TRPM3: variants seen among roughly 807,000 people sequenced by gnomAD.
TRPM3 encodes the protein transient receptor potential cation channel subfamily M member 3.
Under a neutral mutation model 181.2 loss-of-function variants are expected in TRPM3, and 77 were observed. That is an observed-to-expected ratio of 0.42 (90% CI 0.35 to 0.51). TRPM3 has a LOEUF of 0.51. Ranked by LOEUF, TRPM3 falls within the 20% of genes least tolerant of loss-of-function variation. The pLI, the probability that TRPM3 is intolerant of heterozygous loss-of-function variation, is 0.01. For synonymous variants in TRPM3, 745 were observed against 796.4 expected (o/e 0.94, Z 1.09); for missense variants, 1,759 against 2,196.7 (o/e 0.80, Z 3.98).
intron 1 of TRPM3, among the ~76,000 whole-genome samples, chr9:71,046,261 A>T (rs1012772309): frequency 3.9e-5 from 6 of 152,162 alleles, no homozygotes; most frequent in Non-Finnish European, 5.9e-5. Context: ...CTGGGATTAT[A>T]GGTGTGAACC....
chr9:71,169,360 A>C (rs1209183771), intron 1 of TRPM3, among the ~76,000 whole-genome samples: 1 of 152,210 alleles, frequency 6.6e-6, no homozygotes, highest in African/African-American at 2.4e-5. Flanking sequence ...TTGATTCTAC[A>C]TAAGAAGAGA....
chr9:71,049,832 T>C (rs2059869358), intron 1 of TRPM3, among the ~76,000 whole-genome samples: 1 of 152,154 alleles, frequency 6.6e-6, no homozygotes, highest in African/African-American at 2.4e-5. Context: ...GTTCTGTAAG[T>C]TTGGGAAAGT....
At chr9:70,628,477 A>G (rs933531159) in intron 12 of TRPM3, among the ~76,000 whole-genome samples, 2 of 152,178 alleles carry the variant, frequency 1.3e-5, no homozygotes, top group African/African-American at 4.8e-5. Context: ...GTGATGCTAT[A>G]AAAAGGCAAT....
intron 1 of TRPM3, among the ~76,000 whole-genome samples, chr9:71,217,245 C>T (rs1025724271): frequency 1.5e-4 from 22 of 151,626 alleles, no homozygotes; most frequent in African/African-American, 4.8e-4. Context: ...CCACCGCGCC[C>T]GGCCCAGTGG....
intron 1 of TRPM3, among the ~76,000 whole-genome samples, chr9:71,397,897 T>C (rs2093238944): frequency 6.6e-6 from 1 of 152,170 alleles, no homozygotes; most frequent in Non-Finnish European, 1.5e-5. Context: ...GAACCTTGAC[T>C]GACAAATATA....
chr9:71,179,052 T>C (rs1409075086), intron 1 of TRPM3, among the ~76,000 whole-genome samples: 1 of 152,188 alleles, frequency 6.6e-6, no homozygotes, highest in Non-Finnish European at 1.5e-5. Context: ...ACTTGATTTA[T>C]AGGGAATATT....
At chr9:71,031,755 C>A (rs1194778035) in intron 1 of TRPM3, among the ~76,000 whole-genome samples, 1 of 150,382 alleles carries the variant, frequency 6.6e-6, no homozygotes, top group Non-Finnish European at 1.5e-5. Flanking sequence ...TAATCCTACC[C>A]TAAATGTGTT....
At chr9:71,350,491 T>C (rs2091561493) in intron 1 of TRPM3, among the ~76,000 whole-genome samples, 1 of 152,224 alleles carries the variant, frequency 6.6e-6, no homozygotes. Flanking sequence ...CCCTTGATTG[T>C]GAAATTATAC....
chr9:71,121,667 G>A (rs200585836), upstream of TRPM3: 10 of 1,120,202 alleles, frequency 8.9e-6, no homozygotes, highest in East Asian at 3.2e-4. Context: ...CAGGTCAGGC[G>A]TTGGGGGGGA....
chr9:70,825,949 C>G (rs967903926), intron 6 of TRPM3: 1 of 152,220 alleles, frequency 6.6e-6, no homozygotes, highest in Non-Finnish European at 1.5e-5. Flanking sequence ...GTAACTTACA[C>G]GAACACATCC....
chr9:70,921,753 C>A (rs574316014), intron 1 of TRPM3, among the ~76,000 whole-genome samples: 3 of 152,080 alleles, frequency 2.0e-5, no homozygotes, highest in African/African-American at 7.2e-5. Flanking sequence ...ATGAAGCAAG[C>A]CACCATGTCA....
At chr9:70,607,199 ATGAAGTGTGTCCT>A (rs1210834959) in intron 19 of TRPM3, among the ~76,000 whole-genome samples, 3 of 152,218 alleles carry the variant, frequency 2.0e-5, no homozygotes. Context: ...TTATATGGAA[ATGAAGTGTGTCCT>A]ACCTTTCAGA....
chr9:70,698,618 G>A (rs2071377404), intron 8 of TRPM3, among the ~76,000 whole-genome samples: 1 of 152,150 alleles, frequency 6.6e-6, no homozygotes, highest in Non-Finnish European at 1.5e-5. Context: ...ATATGGTTTG[G>A]ATCAGTGTCC....
chr9:71,032,084 TATATAATTATATAATATTATATA>T (rs2057529961), intron 1 of TRPM3, among the ~76,000 whole-genome samples: 2 of 3,722 alleles, frequency 5.4e-4, no homozygotes, highest in African/African-American at 5.9e-3. Flanking sequence ...ATATTATATA[TATATAATTATATAATATTATATA>T]TATTATATTA....
chr9:71,199,268 A>G (rs961669397), intron 1 of TRPM3, among the ~76,000 whole-genome samples: 4 of 151,754 alleles, frequency 2.6e-5, no homozygotes, highest in African/African-American at 7.3e-5. Flanking sequence ...TGCTGGATTC[A>G]GTTTGCCAGT....
At chr9:70,592,240 T>C (rs1266323075) in intron 21 of TRPM3, among the ~76,000 whole-genome samples, 1 of 152,336 alleles carries the variant, frequency 6.6e-6, no homozygotes, top group East Asian at 1.9e-4. Flanking sequence ...CTACGTTAAA[T>C]ATGATACTGG....
chr9:70,900,005 C>T (rs2096360866), intron 1 of TRPM3, among the ~76,000 whole-genome samples: 2 of 152,080 alleles, frequency 1.3e-5, no homozygotes, highest in African/African-American at 4.8e-5. Context: ...TTATCTTTTT[C>T]CTTCTTGGGC....
intron 1 of TRPM3, among the ~76,000 whole-genome samples, chr9:70,902,267 C>T (rs546434097): frequency 3.3e-5 from 5 of 152,326 alleles, no homozygotes; most frequent in African/African-American, 9.6e-5. Context: ...AGTCATGGCT[C>T]CAGCCCCAGT....
At chr9:71,080,744 T>G (rs750368963) in intron 1 of TRPM3, among the ~76,000 whole-genome samples, 3 of 152,110 alleles carry the variant, frequency 2.0e-5, no homozygotes, top group Admixed American at 6.6e-5. Context: ...CAACATTAAA[T>G]AGCAAATAAA....
Sources: gnomAD v4.1 joint callset for allele counts (sites outside exome capture counted in the v4.1 genomes callset) on GRCh38, gnomAD v4.1.1 for gene constraint, MANE v1.5 for transcripts, NCBI Gene and HGNC (gene_info 2026-07-23, HGNC 2026-07-21) for gene names.